GDPD4: variants seen among roughly 807,000 people sequenced by gnomAD.
GDPD4 encodes glycerophosphodiester phosphodiesterase 6.
Under a neutral mutation model 67.8 loss-of-function variants are expected in GDPD4, and 60 were observed. The observed-to-expected ratio is 0.88, with a 90% CI of 0.72 to 1.10. The LOEUF (loss-of-function observed/expected upper bound fraction) is 1.10. Ranked by LOEUF, GDPD4 falls within the 50% of genes least tolerant of loss-of-function variation. The probability of loss-of-function intolerance (pLI) is 0.00; values close to 1 mark genes in which losing one functional copy is unlikely to be tolerated. For missense variants in GDPD4, 623 were observed against 613.9 expected (o/e 1.01, Z -0.16); for synonymous variants, 212 against 210.9 (o/e 1.00, Z -0.04).
intron 16 of GDPD4, among the ~76,000 whole-genome samples, chr11:77,225,810 C>T (rs1045834985): frequency 2.0e-5 from 3 of 152,136 alleles, no homozygotes; most frequent in South Asian, 2.1e-4. Flanking sequence ...CATGGCACTC[C>T]GTATTTAGCA....
chr11:77,278,751 T>C (rs904043912), intron 4 of GDPD4, among the ~76,000 whole-genome samples: 1 of 152,226 alleles, frequency 6.6e-6, no homozygotes, highest in Non-Finnish European at 1.5e-5. Flanking sequence ...GACTTTTCTC[T>C]TACCTGGCAT....
At chr11:77,225,395 A>C (rs1437288198) in intron 16 of GDPD4, among the ~76,000 whole-genome samples, 2 of 152,154 alleles carry the variant, frequency 1.3e-5, no homozygotes, top group Admixed American at 1.3e-4. Context: ...GAGCAGAGGC[A>C]GAAAAATATT....
At chr11:77,297,816 A>G (rs948624491) in intron 1 of GDPD4, among the ~76,000 whole-genome samples, 3 of 152,212 alleles carry the variant, frequency 2.0e-5, no homozygotes, top group African/African-American at 7.2e-5. Context: ...CACTTTGAGC[A>G]CTCAAATGAC....
At chr11:77,229,763 A>T (rs1162854592) in intron 14 of GDPD4, among the ~76,000 whole-genome samples, 1 of 152,236 alleles carries the variant, frequency 6.6e-6, no homozygotes, top group Non-Finnish European at 1.5e-5. Context: ...CCATTGTTCT[A>T]AAGTATCACA....
At chr11:77,237,239 C>G (rs11237141) in intron 13 of GDPD4, among the ~76,000 whole-genome samples, 29,312 of 152,046 alleles carry the variant, frequency 0.19, 3,748 homozygotes, top group Non-Finnish European at 0.27. Flanking sequence ...ATAAAGATAC[C>G]TGCACAGCCA....
At chr11:77,271,017 T>C in intron 7 of GDPD4, 113 bp downstream of exon 7, 1 of 715,746 alleles carries the variant, frequency 1.4e-6, no homozygotes, top group Non-Finnish European at 2.4e-6. Context: ...GCTAAATGAA[T>C]TTCAACGAGG....
At chr11:77,277,046 A>C (rs1301834375) in intron 4 of GDPD4, among the ~76,000 whole-genome samples, 1 of 152,126 alleles carries the variant, frequency 6.6e-6, no homozygotes, top group Non-Finnish European at 1.5e-5. Context: ...GCATGTATCC[A>C]AAAAGAAGTA....
At chr11:77,298,860 T>A (rs1010165208) in intron 1 of GDPD4, among the ~76,000 whole-genome samples, 2 of 152,092 alleles carry the variant, frequency 1.3e-5, no homozygotes, top group Admixed American at 6.5e-5. Context: ...TATATTGTTA[T>A]GCCAGAGTCA....
intron 11 of GDPD4, among the ~76,000 whole-genome samples, chr11:77,252,318 C>T (rs889807287): frequency 1.3e-5 from 2 of 152,102 alleles, no homozygotes; most frequent in African/African-American, 2.4e-5. Flanking sequence ...GCCGCCTCGG[C>T]CTCCCAAAGT....
At position 77,261,571 on chromosome 11, in the gene GDPD4, C is replaced by G. The variant is rs961209201; in HGVS notation, c.708-3029G>C. The stretch of plus-strand genomic sequence containing the variant: ...CATCTAGACACCTCAACTGACTGCC[C>G]TCCAGACTAAGGAAACCGATTTATA... On this transcript the variant is annotated intron_variant, in intron 10 of 16. Transcript: ENST00000315938. Among the ~76,000 whole-genome samples the G allele has an allele frequency of 3.9e-5, 6 of 152,200 alleles. No individual in the cohort carries two copies. In the South Asian group the frequency reaches 1.0e-3, roughly 26 times the overall value.
At chr11:77,277,914 C>G (rs1959567301) in intron 4 of GDPD4, among the ~76,000 whole-genome samples, 1 of 151,474 alleles carries the variant, frequency 6.6e-6, no homozygotes, top group Non-Finnish European at 1.5e-5. Flanking sequence ...TAAATGTGTC[C>G]CAGAGATTCT....
intron 9 of GDPD4, 98 bp downstream of exon 9, chr11:77,268,825 CT>C: frequency 1.6e-6 from 2 of 1,282,470 alleles, no homozygotes; most frequent in Non-Finnish European, 2.2e-6. Flanking sequence ...AATGCAATCA[CT>C]TTTTCTCTCC....
intron 11 of GDPD4, among the ~76,000 whole-genome samples, chr11:77,247,484 A>AAGT (rs1398460334): frequency 1.3e-4 from 20 of 152,354 alleles, no homozygotes; most frequent in African/African-American, 4.8e-4. Context: ...CTAACAGCTG[A>AAGT]AGTACATTGT....
chr11:77,252,976 C>A (rs908527888), intron 11 of GDPD4, among the ~76,000 whole-genome samples: 1 of 152,226 alleles, frequency 6.6e-6, no homozygotes, highest in African/African-American at 2.4e-5. Context: ...GGCCTACAAT[C>A]AACTGCCATG....
chr11:77,294,846 T>C (rs1262934386), intron 1 of GDPD4, among the ~76,000 whole-genome samples: 1 of 152,058 alleles, frequency 6.6e-6, no homozygotes, highest in Non-Finnish European at 1.5e-5. Flanking sequence ...CATATATATA[T>C]GGTCTATTCA....
At chr11:77,266,884 GTTAA>G (rs1479001901) in intron 10 of GDPD4, among the ~76,000 whole-genome samples, 10 of 152,176 alleles carry the variant, frequency 6.6e-5, no homozygotes, top group Non-Finnish European at 1.0e-4. Context: ...ATAAGCTGGA[GTTAA>G]TTTATTATTG....
chr11:77,231,425 G>A (rs1420703009), intron 14 of GDPD4, among the ~76,000 whole-genome samples: 1 of 152,146 alleles, frequency 6.6e-6, no homozygotes, highest in Non-Finnish European at 1.5e-5. Flanking sequence ...GTCTAACTCT[G>A]GAGTGTAGGC....
chr11:77,254,901 C>G (rs751841631), intron 11 of GDPD4, among the ~76,000 whole-genome samples: 1 of 152,150 alleles, frequency 6.6e-6, no homozygotes, highest in Non-Finnish European at 1.5e-5. Flanking sequence ...TCAGAATAAT[C>G]TTTACTAATT....
At chr11:77,232,213 G>A (rs1166041491) in intron 14 of GDPD4, among the ~76,000 whole-genome samples, 1 of 152,202 alleles carries the variant, frequency 6.6e-6, no homozygotes, top group East Asian at 1.9e-4. Flanking sequence ...ACTTCTAAAA[G>A]TTATCTAACA....
Sources: allele counts gnomAD v4.1 joint callset (sites outside exome capture counted in the v4.1 genomes callset), GRCh38; gene constraint gnomAD v4.1.1; transcripts MANE v1.5; gene names NCBI Gene and HGNC (gene_info 2026-07-23, HGNC 2026-07-21).